The following MAST4 variants were observed in gnomAD, a reference collection of about 807,000 sequenced individuals.
The protein encoded by MAST4 is microtubule associated serine/threonine kinase family member 4, also known as microtubule-associated serine/threonine-protein kinase 4.
In MAST4, 89 loss-of-function variants were observed where a neutral mutation model predicts 162.7. The observed-to-expected ratio is 0.55, with a 90% CI of 0.46 to 0.65. The LOEUF is 0.65. MAST4 is among the 30% of genes least tolerant of loss of function. The pLI is 0.00. For synonymous variants in MAST4, 1,479 were observed against 1,361.1 expected (o/e 1.09, Z -1.91); for missense variants, 3,153 against 3,374.0 (o/e 0.93, Z 1.62).
intron 1 of MAST4, among the ~76,000 whole-genome samples, chr5:66,610,527 C>A (rs1039604743): frequency 2.6e-5 from 4 of 152,214 alleles, no homozygotes; most frequent in African/African-American, 9.6e-5. Context: ...CCGAGCATCA[C>A]CAGGGCCCTC....
intron 3 of MAST4, chr5:66,792,644 GTCCAGTGTGCA>G (rs1158241136): frequency 1.3e-5 from 2 of 152,068 alleles, no homozygotes; most frequent in Non-Finnish European, 2.9e-5. Flanking sequence ...TGGCTTTGCT[GTCCAGTGTGCA>G]TCTTACAGTT....
At chr5:66,807,684 T>C (rs1351364631) in intron 3 of MAST4, among the ~76,000 whole-genome samples, 1 of 152,012 alleles carries the variant, frequency 6.6e-6, no homozygotes, top group Non-Finnish European at 1.5e-5. Flanking sequence ...CATAGAGGAA[T>C]TTGCATTCTC....
At chr5:66,812,215 A>G (rs1179302363) in intron 3 of MAST4, among the ~76,000 whole-genome samples, 2 of 152,258 alleles carry the variant, frequency 1.3e-5, no homozygotes, top group East Asian at 3.8e-4. Context: ...GAAGTATGCC[A>G]AGGAAACAAT....
chr5:66,622,004 A>C (rs1362013952), intron 1 of MAST4, among the ~76,000 whole-genome samples: 1 of 152,118 alleles, frequency 6.6e-6, no homozygotes, highest in Non-Finnish European at 1.5e-5. Flanking sequence ...CAACACTGCT[A>C]TTTACAGAAT....
intron 19 of MAST4, among the ~76,000 whole-genome samples, chr5:67,140,925 T>C (rs1311846501): frequency 6.6e-6 from 1 of 152,204 alleles, no homozygotes; most frequent in Non-Finnish European, 1.5e-5. Flanking sequence ...TCCCCCCTTT[T>C]TGGGTAGTTT....
intron 1 of MAST4, among the ~76,000 whole-genome samples, chr5:66,756,681 C>A (rs1489689687): frequency 3.3e-5 from 5 of 152,124 alleles, no homozygotes; most frequent in Admixed American, 3.3e-4. Context: ...AAATAAATTG[C>A]AGGGCTGCAG....
At chr5:67,152,979 C>G in intron 25 of MAST4, 113 bp downstream of exon 25, 1 of 879,274 alleles carries the variant, frequency 1.1e-6, no homozygotes, top group Non-Finnish European at 1.8e-6. Flanking sequence ...CATTTGCGAC[C>G]TGTTTCATTT....
chr5:66,786,188 A>G (rs1157271718), intron 2 of MAST4, among the ~76,000 whole-genome samples: 2 of 152,262 alleles, frequency 1.3e-5, no homozygotes, highest in South Asian at 2.1e-4. Flanking sequence ...TTTTCTACTA[A>G]AGGAAAAAAA....
chr5:66,751,825 T>A (rs1039059896), intron 1 of MAST4, among the ~76,000 whole-genome samples: 6 of 147,472 alleles, frequency 4.1e-5, no homozygotes, highest in African/African-American at 1.5e-4. Flanking sequence ...GAAGAGCAAC[T>A]CCAAGACACA....
chr5:67,151,140 T>A (rs1449356502), intron 24 of MAST4, among the ~76,000 whole-genome samples: 1 of 152,174 alleles, frequency 6.6e-6, no homozygotes, highest in African/African-American at 2.4e-5. Context: ...TAAGATCTGT[T>A]TAGATTCACG....
At chr5:67,074,793 T>C (rs1036190108) in intron 5 of MAST4, among the ~76,000 whole-genome samples, 3 of 152,244 alleles carry the variant, frequency 2.0e-5, no homozygotes, top group African/African-American at 7.2e-5. Context: ...GATTATCGAT[T>C]TCATTTTTAT....
intron 4 of MAST4, among the ~76,000 whole-genome samples, chr5:66,940,883 T>C (rs999542317): frequency 2.6e-5 from 4 of 152,166 alleles, no homozygotes; most frequent in African/African-American, 9.6e-5. Context: ...TCAGAATTAC[T>C]CCTTAATCCA....
chr5:67,166,163 C>T lies in MAST4; in HGVS notation c.6984C>T (p.Thr2328=). The T allele has an allele frequency of 3.2e-6, 5 of 1,563,254 alleles. No homozygotes were observed. The highest frequency in any genetic ancestry group is 4.3e-6 in the Non-Finnish European group (5 of 1,153,314). ...QKLSAVGEKQ[T]LSPKHPKPST... ...TGTCCGCTGTTGGTGAAAAGCAAACCCTGTCTCCAAAGCACCCCAAACCAT... is the reference window on the plus strand; with the variant it reads ...TGTCCGCTGTTGGTGAAAAGCAAACTCTGTCTCCAAAGCACCCCAAACCAT... Residue 2328 remains threonine, a synonymous_variant, in exon 29 of 29, where the codon ACC becomes ACT. Transcript: ENST00000403625.
chr5:66,902,592 A>G (rs1007963973), intron 4 of MAST4: 7 of 349,236 alleles, frequency 2.0e-5, no homozygotes, highest in Non-Finnish European at 4.1e-5. Context: ...ATTATTTACA[A>G]TCATTTTAAT....
intron 1 of MAST4, among the ~76,000 whole-genome samples, chr5:66,695,712 G>A (rs887746890): frequency 6.6e-6 from 1 of 152,128 alleles, no homozygotes; most frequent in African/African-American, 2.4e-5. Context: ...ACAGATGCTG[G>A]CAAGGCTGTG....
intron 2 of MAST4, among the ~76,000 whole-genome samples, chr5:66,771,612 C>T (rs1041524922): frequency 6.6e-6 from 1 of 152,198 alleles, no homozygotes; most frequent in African/African-American, 2.4e-5. Flanking sequence ...CTCCCCTGCT[C>T]ATTTCTTAGG....
chr5:66,655,283 ATAAGTT>A (rs1378051887), intron 1 of MAST4, among the ~76,000 whole-genome samples: 1 of 152,202 alleles, frequency 6.6e-6, no homozygotes. Context: ...TCATAGATGA[ATAAGTT>A]TAAGCATATT....
chr5:67,061,924 C>T (rs1193150315), intron 5 of MAST4, among the ~76,000 whole-genome samples: 2 of 152,084 alleles, frequency 1.3e-5, no homozygotes, highest in Non-Finnish European at 2.9e-5. Context: ...TTTTTTCCAC[C>T]TCCCCAGACT....
intron 4 of MAST4, among the ~76,000 whole-genome samples, chr5:67,035,002 C>T (rs1030721013): frequency 6.6e-6 from 1 of 152,126 alleles, no homozygotes; most frequent in African/African-American, 2.4e-5. Context: ...AACCTGCATT[C>T]ACTTTCAAAT....
Sources: gnomAD v4.1 joint callset for allele counts (sites outside exome capture counted in the v4.1 genomes callset) on GRCh38, gnomAD v4.1.1 for gene constraint, MANE v1.5 for transcripts, NCBI Gene and HGNC (gene_info 2026-07-23, HGNC 2026-07-21) for gene names.